DOK6: variants seen among roughly 807,000 people sequenced by gnomAD.
DOK6 encodes downstream of tyrosine kinase 6.
A neutral mutation model predicts 44.0 loss-of-function variants in DOK6; 22 were observed. The observed-to-expected ratio is 0.50, with a 90% CI of 0.36 to 0.71. The LOEUF (loss-of-function observed/expected upper bound fraction) is 0.71. Among genes scored for constraint, DOK6 ranks in the 30% least tolerant of loss-of-function variants. DOK6 has a pLI of 0.00. For missense variants in DOK6, 340 were observed against 416.4 expected (o/e 0.82, Z 1.60); for synonymous variants, 166 against 145.5 (o/e 1.14, Z -1.01).
intron 1 of DOK6, among the ~76,000 whole-genome samples, chr18:69,487,349 T>A (rs1166591659): frequency 2.0e-5 from 3 of 151,930 alleles, no homozygotes; most frequent in African/African-American, 7.3e-5. Flanking sequence ...AAATTAGGGA[T>A]CAAAGACTGA....
intron 3 of DOK6, among the ~76,000 whole-genome samples, chr18:69,656,100 C>T (rs1038541347): frequency 2.6e-5 from 4 of 151,686 alleles, no homozygotes; most frequent in Non-Finnish European, 5.9e-5. Context: ...TTAAAAGCAA[C>T]CCCAGAGAAA....
intron 5 of DOK6, among the ~76,000 whole-genome samples, chr18:69,699,531 C>T (rs1986465015): frequency 6.6e-6 from 1 of 151,882 alleles, no homozygotes; most frequent in African/African-American, 2.4e-5. Flanking sequence ...GGCCCTTTTG[C>T]ACTACAGTAA....
chr18:69,523,216 A>G (rs1981735404), intron 1 of DOK6, among the ~76,000 whole-genome samples: 1 of 152,128 alleles, frequency 6.6e-6, no homozygotes, highest in South Asian at 2.1e-4. Context: ...AAAGTTCTGC[A>G]TCTTCCACGG....
chr18:69,800,918 GTTC>G (rs1236781297), intron 7 of DOK6, among the ~76,000 whole-genome samples: 3 of 152,082 alleles, frequency 2.0e-5, no homozygotes, highest in Non-Finnish European at 2.9e-5. Flanking sequence ...TAAAGTACAT[GTTC>G]TTCTGAGTAA....
intron 6 of DOK6, among the ~76,000 whole-genome samples, chr18:69,748,181 C>T (rs1979051213): frequency 6.6e-6 from 1 of 152,086 alleles, no homozygotes; most frequent in Admixed American, 6.5e-5. Flanking sequence ...GTCAATTTAA[C>T]AAGAAGAGCT....
chr18:69,538,479 C>G (rs1474302159), intron 1 of DOK6, among the ~76,000 whole-genome samples: 1 of 152,010 alleles, frequency 6.6e-6, no homozygotes, highest in Non-Finnish European at 1.5e-5. Flanking sequence ...ACCTCCTGGG[C>G]TCAAGCGATC....
chr18:69,714,212 G>T lies in DOK6; in HGVS notation c.599+15619G>T, dbSNP rs73455004. The stretch of plus-strand genomic sequence containing the variant: ...ACAGACGTACAGCTTCTGGATTTAG[G>T]AGGCAGAGCTTTCTGGAGAATAACA... On this transcript the variant is annotated intron_variant, in intron 5 of 7. Coordinates refer to ENST00000382713, the MANE Select transcript of DOK6 (RefSeq NM_152721.6). Among the ~76,000 whole-genome samples the T allele has an allele frequency of 8.7e-3, 1,323 of 152,296 alleles. 18 individuals carry two copies. Among genetic ancestry groups the T allele is most frequent in the African/African-American group, 0.03 (1,243 of 41,556 alleles).
At chr18:69,433,672 AAAAAAC>A (rs903786079) in intron 1 of DOK6, among the ~76,000 whole-genome samples, 1 of 152,180 alleles carries the variant, frequency 6.6e-6, no homozygotes, top group Non-Finnish European at 1.5e-5. Context: ...TATATTGAAA[AAAAAAC>A]AAAAACAAAA....
At chr18:69,756,468 T>G (rs1036794849) in intron 6 of DOK6, among the ~76,000 whole-genome samples, 5 of 152,176 alleles carry the variant, frequency 3.3e-5, no homozygotes, top group African/African-American at 9.6e-5. Context: ...GACTTTTAAA[T>G]AGACTGAGTA....
chr18:69,414,542 G>T (rs1003559541), intron 1 of DOK6, among the ~76,000 whole-genome samples: 1 of 152,150 alleles, frequency 6.6e-6, no homozygotes, highest in South Asian at 2.1e-4. Flanking sequence ...TGAAGAACAG[G>T]TTGGTAGTAT....
chr18:69,660,026 G>C (rs903643492), intron 3 of DOK6: 1 of 149,946 alleles, frequency 6.7e-6, no homozygotes, highest in Non-Finnish European at 1.5e-5. Flanking sequence ...CAAATGATTT[G>C]GGGGTGTCTT....
chr18:69,568,590 C>T (rs1983042129), intron 2 of DOK6, among the ~76,000 whole-genome samples: 1 of 152,124 alleles, frequency 6.6e-6, no homozygotes, highest in Non-Finnish European at 1.5e-5. Flanking sequence ...CCAGCAGTTC[C>T]CAACTACCAG....
At chr18:69,402,343 C>A (rs1286851053) in intron 1 of DOK6, among the ~76,000 whole-genome samples, 3 of 152,200 alleles carry the variant, frequency 2.0e-5, no homozygotes, top group Non-Finnish European at 2.9e-5. Context: ...GAGCTAGAAC[C>A]TTTCCTGTGT....
intron 1 of DOK6, among the ~76,000 whole-genome samples, chr18:69,432,153 A>G (rs932352155): frequency 1.3e-5 from 2 of 152,240 alleles, no homozygotes; most frequent in Non-Finnish European, 2.9e-5. Context: ...AAAGAAGTTT[A>G]TCATTTTGTC....
At chr18:69,606,757 A>ATTT (rs71176989) in intron 3 of DOK6, among the ~76,000 whole-genome samples, 35,552 of 114,458 alleles carry the variant, frequency 0.31, 5,290 homozygotes, top group Middle Eastern at 0.44. Flanking sequence ...TTCAAAAAGG[A>ATTT]TTTTTTTTTT....
At chr18:69,536,461 ATATCT>A (rs1469985220) in intron 1 of DOK6, among the ~76,000 whole-genome samples, 1 of 152,230 alleles carries the variant, frequency 6.6e-6, no homozygotes, top group Non-Finnish European at 1.5e-5. Context: ...TTTATTAAGT[ATATCT>A]TATCTTTATG....
intron 4 of DOK6, among the ~76,000 whole-genome samples, chr18:69,686,019 C>T (rs1986145467): frequency 6.6e-6 from 1 of 152,070 alleles, no homozygotes; most frequent in Admixed American, 6.6e-5. Context: ...TAGGTAGTAC[C>T]TTTAAAGAGG....
chr18:69,419,766 T>C (rs1329764533), intron 1 of DOK6, among the ~76,000 whole-genome samples: 1 of 152,200 alleles, frequency 6.6e-6, no homozygotes, highest in Non-Finnish European at 1.5e-5. Flanking sequence ...TACAATGATA[T>C]GTGAGACCCT....
intron 1 of DOK6, among the ~76,000 whole-genome samples, chr18:69,425,466 T>C (rs1052821667): frequency 2.6e-5 from 4 of 152,024 alleles, no homozygotes; most frequent in Admixed American, 2.6e-4. Flanking sequence ...TTTTTCATTA[T>C]ATTTACATGT....
Sources: allele counts gnomAD v4.1 joint callset (sites outside exome capture counted in the v4.1 genomes callset), GRCh38; gene constraint gnomAD v4.1.1; transcripts MANE v1.5; gene names NCBI Gene and HGNC (gene_info 2026-07-23, HGNC 2026-07-21).